Variants in ALPL observed in about 807,000 individuals in gnomAD.
ALPL encodes alkaline phosphatase, tissue-nonspecific isozyme.
ALPL carries 42 observed loss-of-function variants against 51.3 expected under a neutral mutation model. That is an observed-to-expected ratio of 0.82 (90% confidence interval 0.64 to 1.06). ALPL has a LOEUF of 1.06. Ranked by LOEUF, ALPL falls within the 50% of genes least tolerant of loss-of-function variation. The pLI is 0.00. For synonymous variants in ALPL, 279 were observed against 296.4 expected, an observed-to-expected ratio of 0.94 and a Z score of 0.60; for missense variants, 589 against 709.4, an observed-to-expected ratio of 0.83 and a Z score of 1.93.
At chr1:21,536,469 AGCCAG>A (rs1644107038) in intron 1 of ALPL, among the ~76,000 whole-genome samples, 1 of 152,244 alleles carries the variant, frequency 6.6e-6, no homozygotes, top group South Asian at 2.1e-4. Flanking sequence ...TGGCTCATGT[AGCCAG>A]GATGTTCAGA....
intron 1 of ALPL, among the ~76,000 whole-genome samples, chr1:21,548,249 CA>C (rs1344351384): frequency 6.6e-6 from 1 of 152,248 alleles, no homozygotes; most frequent in African/African-American, 2.4e-5. Context: ...ACAGAGCAGC[CA>C]GGAGCCTCTG....
intron 1 of ALPL, among the ~76,000 whole-genome samples, chr1:21,513,290 G>A (rs1643728169): frequency 6.6e-6 from 1 of 152,102 alleles, no homozygotes; most frequent in Non-Finnish European, 1.5e-5. Flanking sequence ...TCAGTCTCCT[G>A]GCCTTAAGCT....
At chr1:21,551,694 C>G (rs948915787) in intron 1 of ALPL, among the ~76,000 whole-genome samples, 1 of 143,508 alleles carries the variant, frequency 7.0e-6, no homozygotes, top group Non-Finnish European at 1.5e-5. Context: ...GCCGTCACTT[C>G]TGGCACTGGA....
Position 21,530,064 on chromosome 1 carries a change from C to T in ALPL, c.-105+20547C>T, listed in dbSNP as rs146393146. ...TGCTGGGATTACAGGTGTGAGCCAC[C>T]GCATCTGGTCCTGTTAATGGTTTTT... On this transcript the variant is annotated intron_variant, in intron 1 of 11. Transcript: ENST00000374840. 1.2e-4 allele frequency among the ~76,000 whole-genome samples: 18 copies of T among 152,182 alleles called. No homozygotes were observed. The East Asian group carries it at 3.1e-3, about 26-fold the overall frequency.
At chr1:21,573,925 A>C in intron 9 of ALPL, 126 bp downstream of exon 9, 1 of 1,524,404 alleles carries the variant, frequency 6.6e-7, no homozygotes, top group Non-Finnish European at 8.8e-7. Context: ...CTTTAGGAGA[A>C]TAGGTTGTGG....
At chr1:21,517,824 G>T (rs959075582) in intron 1 of ALPL, among the ~76,000 whole-genome samples, 3 of 152,052 alleles carry the variant, frequency 2.0e-5, no homozygotes, top group African/African-American at 7.2e-5. Context: ...CCTCTCTCCT[G>T]CCCTGCACCC....
intron 3 of ALPL, 106 bp downstream of exon 3, chr1:21,560,851 GAGGA>G (rs1241150035): frequency 6.9e-7 from 1 of 1,444,766 alleles, no homozygotes. Flanking sequence ...TAGGGCTCTG[GAGGA>G]AGGGTGTTTA....
At position 21,519,436 on chromosome 1, in the gene ALPL, G is replaced by C. The variant is rs546928872; in HGVS notation, c.-105+9919G>C. On this transcript the variant is annotated intron_variant, in intron 1 of 11. Coordinates refer to ENST00000374840, the MANE Select transcript of ALPL (RefSeq NM_000478.6). ...TGCCCGTGGAAAGTGCTTTACCATC[G>C]GCAGAGCCTTCCACGTTTACACATG... Among the ~76,000 whole-genome samples, 6 of 152,308 alleles carry C rather than the reference G, an allele frequency of 3.9e-5. No homozygotes were observed. The East Asian group carries it at 9.7e-4, about 25-fold the overall frequency.
intron 1 of ALPL, among the ~76,000 whole-genome samples, chr1:21,543,724 G>T (rs932179435): frequency 2.8e-4 from 43 of 152,170 alleles, no homozygotes; most frequent in Admixed American, 5.9e-4. Context: ...GTGGCTCGGG[G>T]CATTTGGGAA....
At chr1:21,521,366 G>T (rs999658607) in intron 1 of ALPL, among the ~76,000 whole-genome samples, 6 of 152,138 alleles carry the variant, frequency 3.9e-5, no homozygotes. Context: ...TGTATTTTTA[G>T]GAGAGACAGG....
At chr1:21,542,047 G>C (rs572539211) in intron 1 of ALPL, among the ~76,000 whole-genome samples, 133 of 152,332 alleles carry the variant, frequency 8.7e-4, no homozygotes, top group African/African-American at 2.9e-3. Context: ...ACTTCATCCA[G>C]CTCTTCATGA....
At chr1:21,545,929 C>T (rs1644248704) in intron 1 of ALPL, among the ~76,000 whole-genome samples, 1 of 152,070 alleles carries the variant, frequency 6.6e-6, no homozygotes, top group South Asian at 2.1e-4. Flanking sequence ...GATTATCCTG[C>T]CTCAGCCTCC....
chr1:21,529,361 G>A (rs867293110), intron 1 of ALPL, among the ~76,000 whole-genome samples: 6 of 151,208 alleles, frequency 4.0e-5, no homozygotes, highest in African/African-American at 1.2e-4. Context: ...CTTAAGCAAC[G>A]CTCCCACCCC....
At chr1:21,576,992 C>A (rs967460807) in intron 11 of ALPL, among the ~76,000 whole-genome samples, 1 of 152,142 alleles carries the variant, frequency 6.6e-6, no homozygotes, top group African/African-American at 2.4e-5. Flanking sequence ...ACTCATTTTT[C>A]TTGGCCCTAT....
intron 1 of ALPL, among the ~76,000 whole-genome samples, chr1:21,523,957 C>T (rs1643909530): frequency 6.7e-6 from 1 of 150,258 alleles, no homozygotes; most frequent in African/African-American, 2.5e-5. Flanking sequence ...GTTGTCATTT[C>T]CTGAATCTAA....
At chr1:21,533,214 A>G (rs1342233899) in intron 1 of ALPL, among the ~76,000 whole-genome samples, 4 of 152,150 alleles carry the variant, frequency 2.6e-5, no homozygotes, top group Non-Finnish European at 4.4e-5. Flanking sequence ...CTGCTGTGTG[A>G]CCTCAGGCAA....
chr1:21,537,087 A>G (rs551970422), intron 1 of ALPL, among the ~76,000 whole-genome samples: 21 of 152,008 alleles, frequency 1.4e-4, no homozygotes, highest in Middle Eastern at 3.4e-3. Flanking sequence ...TAGTAGAGAC[A>G]GGGTTTCACT....
At chr1:21,573,112 A>G (rs1366733250) in intron 8 of ALPL, among the ~76,000 whole-genome samples, 2 of 152,200 alleles carry the variant, frequency 1.3e-5, no homozygotes, top group Non-Finnish European at 2.9e-5. Flanking sequence ...TGGTGATCCC[A>G]CCGCGCCATA....
chr1:21,522,288 A>G (rs998705348), intron 1 of ALPL, among the ~76,000 whole-genome samples: 1 of 152,026 alleles, frequency 6.6e-6, no homozygotes, highest in Non-Finnish European at 1.5e-5. Context: ...GTTAGCCAGG[A>G]TGGTCTCCAT....
Sources: allele counts gnomAD v4.1 joint callset (sites outside exome capture counted in the v4.1 genomes callset), GRCh38; gene constraint gnomAD v4.1.1; transcripts MANE v1.5; gene names NCBI Gene and HGNC (gene_info 2026-07-23, HGNC 2026-07-21).